PKIB: variants seen among roughly 807,000 people sequenced by gnomAD.
PKIB encodes cAMP-dependent protein kinase inhibitor beta.
A neutral mutation model predicts 4.5 loss-of-function variants in PKIB; 2 were observed. The ratio of observed to expected loss-of-function variants is 0.44; its 90% confidence interval spans 0.18 to 1.39. The LOEUF (loss-of-function observed/expected upper bound fraction) is 1.39, where lower values mean the gene tolerates loss of function less well. PKIB is among the 40% of genes most tolerant of loss of function. PKIB has a pLI of 0.27. For missense variants in PKIB, 94 were observed against 92.6 expected, an observed-to-expected ratio of 1.02 and a Z score of -0.06; for synonymous variants, 38 against 36.0, an observed-to-expected ratio of 1.06 and a Z score of -0.20.
At chr6:122,528,917 T>C (rs976753731) in intron 2 of PKIB, among the ~76,000 whole-genome samples, 2 of 152,048 alleles carry the variant, frequency 1.3e-5, no homozygotes, top group African/African-American at 4.8e-5. Flanking sequence ...AAAGACACAA[T>C]TCTCATGACC....
intron 2 of PKIB, among the ~76,000 whole-genome samples, chr6:122,635,010 A>T (rs1412771158): frequency 6.6e-6 from 1 of 152,178 alleles, no homozygotes; most frequent in African/African-American, 2.4e-5. Flanking sequence ...AATTTCACAC[A>T]AATAATTTTA....
chr6:122,482,498 G>A (rs959988656), intron 2 of PKIB: 1 of 149,910 alleles, frequency 6.7e-6, no homozygotes, highest in Admixed American at 6.6e-5. Context: ...CCACCCTTGT[G>A]TGTGAATTTT....
At chr6:122,688,858 G>T (rs919519087) in intron 3 of PKIB, among the ~76,000 whole-genome samples, 2 of 149,800 alleles carry the variant, frequency 1.3e-5, no homozygotes, top group Non-Finnish European at 3.0e-5. Context: ...TCGGCTCACT[G>T]CAAGCTCCGC....
intron 2 of PKIB, among the ~76,000 whole-genome samples, chr6:122,650,186 A>G (rs1776494690): frequency 6.6e-6 from 1 of 152,130 alleles, no homozygotes. Flanking sequence ...TATGTCTAAC[A>G]TGCCCCATAC....
intron 1 of PKIB, 113 bp from the exon 2 acceptor site, chr6:122,633,170 T>C (rs1467304383): frequency 6.6e-6 from 1 of 152,220 alleles, no homozygotes; most frequent in Non-Finnish European, 1.5e-5. Context: ...ATGTGACATT[T>C]GGTCACTAAG....
chr6:122,626,905 A>G (rs1031010536), intron 1 of PKIB, among the ~76,000 whole-genome samples: 5 of 152,068 alleles, frequency 3.3e-5, no homozygotes, highest in African/African-American at 1.2e-4. Context: ...CAGCTATGCA[A>G]TTCAAAGGAC....
chr6:122,544,443 T>C (rs975349843), intron 2 of PKIB, among the ~76,000 whole-genome samples: 27 of 152,060 alleles, frequency 1.8e-4, no homozygotes, highest in African/African-American at 6.5e-4. Context: ...CCCACAATCA[T>C]TTGAAAATAT....
At chr6:122,624,223 A>G (rs892288279) in intron 1 of PKIB, among the ~76,000 whole-genome samples, 2 of 152,222 alleles carry the variant, frequency 1.3e-5, no homozygotes, top group Non-Finnish European at 2.9e-5. Context: ...TTTGTAAGTT[A>G]TAATGGTATG....
chr6:122,696,910 T>C (rs1237759917), intron 3 of PKIB, among the ~76,000 whole-genome samples: 1 of 152,176 alleles, frequency 6.6e-6, no homozygotes, highest in East Asian at 1.9e-4. Flanking sequence ...CTATTAGTGG[T>C]AGGGTGTCTT....
At chr6:122,654,259 G>A (rs1421273604) in intron 2 of PKIB, among the ~76,000 whole-genome samples, 2 of 152,186 alleles carry the variant, frequency 1.3e-5, no homozygotes, top group African/African-American at 4.8e-5. Context: ...TCCTCATAAA[G>A]ACAATGTAGA....
chr6:122,626,749 C>A (rs1775460166), intron 1 of PKIB, among the ~76,000 whole-genome samples: 1 of 152,136 alleles, frequency 6.6e-6, no homozygotes, highest in South Asian at 2.1e-4. Flanking sequence ...TGTACAAGTT[C>A]TCATACAAAG....
At chr6:122,547,804 G>T (rs991402325) in intron 2 of PKIB, among the ~76,000 whole-genome samples, 1 of 152,136 alleles carries the variant, frequency 6.6e-6, no homozygotes, top group Non-Finnish European at 1.5e-5. Flanking sequence ...AACAATAGTG[G>T]CTCCGAGCCA....
chr6:122,588,207 G>A (rs1773909315), intron 3 of PKIB, among the ~76,000 whole-genome samples: 2 of 152,120 alleles, frequency 1.3e-5, no homozygotes, highest in African/African-American at 2.4e-5. Context: ...TGTGTAAGGT[G>A]TAAGGAAGGG....
chr6:122,660,016 A>G (rs1776924300), intron 2 of PKIB, among the ~76,000 whole-genome samples: 1 of 152,232 alleles, frequency 6.6e-6, no homozygotes, highest in South Asian at 2.1e-4. Context: ...AAAGAGCACG[A>G]AAATTAATTA....
intron 2 of PKIB, among the ~76,000 whole-genome samples, chr6:122,659,577 G>A (rs1002000540): frequency 1.1e-4 from 17 of 152,192 alleles, no homozygotes; most frequent in South Asian, 1.0e-3. Context: ...GAAACGGCAA[G>A]AGTGAAACAT....
chr6:122,488,112 T>C (rs113054491), intron 2 of PKIB, among the ~76,000 whole-genome samples: 1,901 of 152,232 alleles, frequency 0.012, 44 homozygotes, highest in African/African-American at 0.044. Context: ...CTCAATATGT[T>C]CTTATTATGG....
rs187903704 is a variant in PKIB at position 122,527,999 on chromosome 6, T to C, written c.-248+50060T>C. ...GTCTCCTACTACTATTTTGCTGTTA[T>C]TTCTCACTCCAATTGTGTCAAAGTT... is the stretch of plus-strand genomic sequence containing the variant. On this transcript the variant is annotated intron_variant, in intron 2 of 6. Transcript: ENST00000392491. Among the ~76,000 whole-genome samples, 4 of 152,316 alleles carry C rather than the reference T, an allele frequency of 2.6e-5. No homozygotes were observed. The East Asian group carries it at 5.8e-4, about 22-fold the overall frequency.
At chr6:122,496,351 A>G (rs1046825085) in intron 2 of PKIB, among the ~76,000 whole-genome samples, 3 of 152,206 alleles carry the variant, frequency 2.0e-5, no homozygotes, top group Non-Finnish European at 2.9e-5. Flanking sequence ...CAACACCACC[A>G]AAGGATCATT....
intron 2 of PKIB, among the ~76,000 whole-genome samples, chr6:122,549,399 A>G (rs1163394403): frequency 6.6e-6 from 1 of 152,164 alleles, no homozygotes; most frequent in Non-Finnish European, 1.5e-5. Flanking sequence ...GCTACAATTT[A>G]TACTGTATAT....
Sources: allele counts gnomAD v4.1 joint callset (sites outside exome capture counted in the v4.1 genomes callset), GRCh38; gene constraint gnomAD v4.1.1; transcripts MANE v1.5; gene names NCBI Gene and HGNC (gene_info 2026-07-23, HGNC 2026-07-21).